The following FAR2 variants were observed in gnomAD, a reference collection of about 807,000 sequenced individuals.
FAR2 encodes epididymis secretory protein Li 81.
FAR2 carries 19 observed loss-of-function variants against 56.0 expected under a neutral mutation model. The ratio of observed to expected loss-of-function variants is 0.34; its 90% CI spans 0.24 to 0.50. The LOEUF (loss-of-function observed/expected upper bound fraction) is 0.50, where lower values mean the gene tolerates loss of function less well. Among genes scored for constraint, FAR2 ranks in the 20% least tolerant of loss-of-function variants. The pLI, the probability that FAR2 is intolerant of heterozygous loss-of-function variation, is 0.98. For missense variants in FAR2, 508 were observed against 642.2 expected (o/e 0.79, Z 2.26); for synonymous variants, 219 against 218.8 (o/e 1.00, Z -0.01).
chr12:29,182,318 T>G (rs1386554369), intron 1 of FAR2, among the ~76,000 whole-genome samples: 2 of 152,216 alleles, frequency 1.3e-5, no homozygotes, highest in Non-Finnish European at 2.9e-5. Flanking sequence ...ATTCCCTTAT[T>G]TGTCCCCTTC....
Position 29,170,249 on chromosome 12 carries a change from G to A in FAR2, c.-39+20842G>A, listed in dbSNP as rs549895032. ...CCCATTGTGTCTTTTTCCCTTAATC[G>A]CCTGGGAGGAAACATCTATCTCCTG... On this transcript the variant is annotated intron_variant, in intron 1 of 11. Coordinates refer to ENST00000536681, the MANE Select transcript of FAR2 (RefSeq NM_001271783.2). Among the ~76,000 whole-genome samples, 14 of 152,182 alleles carry A rather than the reference G, an allele frequency of 9.2e-5. No individual in the cohort carries two copies. The South Asian group carries it at 1.0e-3, about 11-fold the overall frequency.
Position 29,334,879 on chromosome 12 carries a change from GGTTTT to G in FAR2, c.*1091_*1095del, listed in dbSNP as rs956565888. On this transcript the variant is annotated 3_prime_UTR_variant, in exon 12 of 12. Coordinates refer to ENST00000536681, the MANE Select transcript of FAR2 (RefSeq NM_001271783.2). ...TAAGGGATTCTAAGTTTAGAAAATA[GGTTTT>G]GTTTTCTTAAAAAATTTTGTGTATA... is the stretch of plus-strand genomic sequence containing the variant. 5.3e-5 allele frequency: 8 copies of G among 152,124 alleles called. No homozygotes were observed. The highest frequency in any genetic ancestry group is 2.1e-4 in the South Asian group (1 of 4,830). 9.4% of individuals were successfully genotyped at this position (152,124 alleles called of 1,614,324 possible). A position where few individuals can be genotyped will look rare whatever the true frequency, so the allele number is the denominator to read the frequency against.
chr12:29,237,187 TGATAGTTTA>T (rs1947955882), intron 1 of FAR2, among the ~76,000 whole-genome samples: 1 of 152,148 alleles, frequency 6.6e-6, no homozygotes, highest in African/African-American at 2.4e-5. Context: ...TGCCCTCAAG[TGATAGTTTA>T]GATCAGCAGT....
At chr12:29,167,665 A>T (rs1242460620) in intron 1 of FAR2, among the ~76,000 whole-genome samples, 1 of 152,204 alleles carries the variant, frequency 6.6e-6, no homozygotes, top group Non-Finnish European at 1.5e-5. Flanking sequence ...GGTACTTTAC[A>T]TTAGCTCTTC....
chr12:29,162,737 GACAA>G (rs71444318), intron 1 of FAR2, among the ~76,000 whole-genome samples: 2,347 of 152,178 alleles, frequency 0.015, 41 homozygotes, highest in African/African-American at 0.048. Flanking sequence ...GGCAAATGAA[GACAA>G]GGCCCACTTG....
chr12:29,222,056 G>A (rs1947701433), intron 1 of FAR2, among the ~76,000 whole-genome samples: 1 of 151,944 alleles, frequency 6.6e-6, no homozygotes, highest in African/African-American at 2.4e-5. Context: ...ACCATGTTGG[G>A]CAGGCTGGTT....
chr12:29,316,314 A>G (rs917298550), intron 8 of FAR2, among the ~76,000 whole-genome samples: 1 of 152,238 alleles, frequency 6.6e-6, no homozygotes, highest in African/African-American at 2.4e-5. Flanking sequence ...ACCAGAGTGG[A>G]CAATTGAGTC....
At chr12:29,328,740 T>G (rs2136826030) in intron 10 of FAR2, among the ~76,000 whole-genome samples, 1 of 54,486 alleles carries the variant, frequency 1.8e-5, no homozygotes, top group Non-Finnish European at 3.4e-5. Flanking sequence ...CGGGGCCTGT[T>G]GTGGAGTGGG....
chr12:29,270,714 T>C, intron 2 of FAR2, 76 bp downstream of exon 2: 1 of 1,307,868 alleles, frequency 7.6e-7, no homozygotes, highest in Non-Finnish European at 1.0e-6. Context: ...TCTCTTATAG[T>C]CTCATATTGC....
Position 29,244,189 on chromosome 12 carries a change from T to C in FAR2, c.-38-26223T>C, listed in dbSNP as rs138595894. On this transcript the variant is annotated intron_variant, in intron 1 of 11. Transcript: ENST00000536681. ...ATCAAATGATTCATCATAGAACTTA[T>C]ACAAAATCAAAAATGACTATTTTGG... Among the ~76,000 whole-genome samples the C allele has an allele frequency of 4.5e-3, 681 of 152,334 alleles. 6 individuals carry two copies. Among genetic ancestry groups the C allele is most frequent in the Non-Finnish European group, 7.4e-3 (501 of 68,020 alleles).
intron 1 of FAR2, among the ~76,000 whole-genome samples, chr12:29,188,475 G>C (rs1337215356): frequency 6.9e-6 from 1 of 145,572 alleles, no homozygotes; most frequent in Non-Finnish European, 1.5e-5. Context: ...GGGATAATTT[G>C]ATAATTTGGG....
At chr12:29,330,055 A>AATT (rs1565528515) in intron 10 of FAR2, among the ~76,000 whole-genome samples, 1 of 88,448 alleles carries the variant, frequency 1.1e-5, no homozygotes, top group Non-Finnish European at 2.1e-5. Context: ...TACATTTATG[A>AATT]CTTTTTTTTT....
intron 2 of FAR2, among the ~76,000 whole-genome samples, chr12:29,273,030 C>A (rs949221778): frequency 3.3e-5 from 5 of 152,164 alleles, no homozygotes; most frequent in African/African-American, 1.2e-4. Flanking sequence ...CTCCTGGGAC[C>A]TCTGACCTCG....
chr12:29,194,971 A>G (rs1414097251), intron 1 of FAR2, among the ~76,000 whole-genome samples: 6 of 152,188 alleles, frequency 3.9e-5, no homozygotes, highest in African/African-American at 2.4e-5. Context: ...GGTCCATACT[A>G]TGAATGGTTA....
chr12:29,289,513 ATC>A (rs1948928006), intron 2 of FAR2, among the ~76,000 whole-genome samples: 1 of 152,234 alleles, frequency 6.6e-6, no homozygotes, highest in Admixed American at 6.5e-5. Flanking sequence ...CTAGACCTCT[ATC>A]TCTCTCCATA....
chr12:29,179,011 C>A (rs754680287), intron 1 of FAR2, among the ~76,000 whole-genome samples: 1 of 152,060 alleles, frequency 6.6e-6, no homozygotes, highest in East Asian at 1.9e-4. Flanking sequence ...GGTAGATGGC[C>A]ATCTTTTTCC....
At chr12:29,182,186 G>T (rs936121399) in intron 1 of FAR2, among the ~76,000 whole-genome samples, 1 of 152,218 alleles carries the variant, frequency 6.6e-6, no homozygotes, top group Non-Finnish European at 1.5e-5. Context: ...GCCCTTAAAG[G>T]TGGTGTAGAC....
At position 29,321,651 on chromosome 12, in the gene FAR2, G is replaced by A. The variant is rs568399204; in HGVS notation, c.1128-144G>A. On this transcript the variant is annotated intron_variant, in intron 9 of 11. Coordinates refer to ENST00000536681, the MANE Select transcript of FAR2 (RefSeq NM_001271783.2). The stretch of plus-strand genomic sequence containing the variant: ...GAATGAATAGAGAGTTAATGTGGAA[G>A]GAGAAAAAAGAAGAAGAATTTTAAT... 112 of 911,558 alleles carry A rather than the reference G, an allele frequency of 1.2e-4. No homozygotes were observed. In the African/African-American group the frequency reaches 1.7e-3, roughly 14 times the overall value. The allele number at this position is 911,558 out of a possible 1,614,324, so 56.5% of individuals were successfully genotyped here.
intron 1 of FAR2, among the ~76,000 whole-genome samples, chr12:29,193,350 T>C (rs762506750): frequency 6.6e-6 from 1 of 152,226 alleles, no homozygotes; most frequent in Non-Finnish European, 1.5e-5. Flanking sequence ...CATTATAGTA[T>C]CTTACAGAGC....
Sources: allele counts gnomAD v4.1 joint callset (sites outside exome capture counted in the v4.1 genomes callset), GRCh38; gene constraint gnomAD v4.1.1; transcripts MANE v1.5; gene names NCBI Gene and HGNC (gene_info 2026-07-23, HGNC 2026-07-21).